Variants in VWF observed in about 807,000 individuals in gnomAD.
The protein encoded by VWF is von Willebrand factor.
A neutral mutation model predicts 308.6 loss-of-function variants in VWF; 176 were observed. That is an observed-to-expected ratio of 0.57 (90% CI 0.50 to 0.65). VWF has a LOEUF of 0.65. Ranked by LOEUF, VWF falls within the 30% of genes least tolerant of loss-of-function variation. VWF has a pLI of 0.00. For missense variants in VWF, 3,146 were observed against 3,648.2 expected (o/e 0.86, Z 3.55); for synonymous variants, 1,385 against 1,443.4 (o/e 0.96, Z 0.92).
At chr12:5,967,374 T>C (rs533941161) in intron 47 of VWF, 112 bp downstream of exon 47, 4 of 920,518 alleles carry the variant, frequency 4.3e-6, no homozygotes, top group Non-Finnish European at 7.3e-6. Context: ...TTATTGTTTA[T>C]AATCAGAAAA....
At chr12:6,105,976 G>A (rs888967406) in intron 5 of VWF, among the ~76,000 whole-genome samples, 1 of 152,190 alleles carries the variant, frequency 6.6e-6, no homozygotes, top group South Asian at 2.1e-4. Context: ...CCGGGAGGTG[G>A]AGGTTGCAGT....
At chr12:5,950,562 G>A (rs530763615) in intron 50 of VWF, among the ~76,000 whole-genome samples, 24 of 151,934 alleles carry the variant, frequency 1.6e-4, no homozygotes, top group Non-Finnish European at 2.1e-4. Context: ...TAGATGGCTC[G>A]AAATCTAAAT....
intron 1 of VWF, among the ~76,000 whole-genome samples, chr12:6,124,123 C>T (rs765184890): frequency 5.9e-5 from 9 of 152,158 alleles, no homozygotes; most frequent in Non-Finnish European, 1.3e-4. Flanking sequence ...AGTCCTAACA[C>T]GCAGGTACAT....
At chr12:6,032,582 G>A (rs1944279678) in intron 20 of VWF, among the ~76,000 whole-genome samples, 1 of 151,402 alleles carries the variant, frequency 6.6e-6, no homozygotes, top group Non-Finnish European at 1.5e-5. Flanking sequence ...AGCTTGCAGT[G>A]AGCCGAGATC....
chr12:6,114,327 C>G (rs751747925), intron 3 of VWF, among the ~76,000 whole-genome samples: 1 of 152,202 alleles, frequency 6.6e-6, no homozygotes, highest in Admixed American at 6.5e-5. Context: ...TCCAAAGATG[C>G]AAAATCACTT....
Position 5,994,161 on chromosome 12 carries a change from T to TC in VWF, c.6298dup (p.Asp2100GlyfsTer50), listed in dbSNP as rs1252797944. On this transcript the variant is annotated frameshift_variant, in exon 37 of 52. Transcript: ENST00000261405. LOFTEE classifies it high-confidence loss of function. The stretch of plus-strand genomic sequence containing the variant: ...TTTCCAGTCTGTGGTGACTGTGCCA[T>TC]CCCTCAGCATGAAGTCATTGGCTCC... 1 of 1,614,070 alleles carries TC rather than the reference T, an allele frequency of 6.2e-7. No individual in the cohort carries two copies. The highest frequency in any genetic ancestry group is 8.5e-7 in the Non-Finnish European group (1 of 1,180,012).
chr12:6,058,937 C>T lies in VWF; in HGVS notation c.1534-893G>A, dbSNP rs1158569795. Reference sequence around the variant, plus strand: ...TTGAAGGTGGAGCGGGGGCTGGGACCCAGGAGTCCTGACTCCCTCTCCGCA... The same window carrying T: ...TTGAAGGTGGAGCGGGGGCTGGGACTCAGGAGTCCTGACTCCCTCTCCGCA... On this transcript the variant is annotated intron_variant, in intron 13 of 51. Transcript: ENST00000261405. The surrounding 1 kb of genome is among the most constrained non-coding windows in gnomAD (Gnocchi z 4.9). Among the ~76,000 whole-genome samples the T allele has an allele frequency of 1.3e-5, 2 of 152,160 alleles. No homozygotes were observed. The highest frequency in any genetic ancestry group is 4.8e-5 in the African/African-American group (2 of 41,450).
At chr12:6,092,180 C>T (rs904753713) in intron 6 of VWF, among the ~76,000 whole-genome samples, 3 of 152,212 alleles carry the variant, frequency 2.0e-5, no homozygotes, top group Admixed American at 1.3e-4. Flanking sequence ...TCCCCCTTGG[C>T]CAAAGGGACC....
chr12:5,964,267 C>T (rs1943368519), intron 47 of VWF, among the ~76,000 whole-genome samples: 1 of 144,472 alleles, frequency 6.9e-6, no homozygotes, highest in Non-Finnish European at 1.5e-5. Context: ...TACATACATA[C>T]ATACATGCAT....
Position 6,019,165 on chromosome 12 carries a change from G to C in VWF, c.4253C>G (p.Pro1418Arg). ...KVIVIPVGIG[P>R]HANLKQIRLI... Reference sequence around the variant, plus strand: ...GCGGATCTGCTTGAGGTTGGCATGGGGCCCAATGCCCACCGGGATCACAAT... The same window carrying C: ...GCGGATCTGCTTGAGGTTGGCATGGCGCCCAATGCCCACCGGGATCACAAT... The change falls in exon 28 of 52, where the codon CCC becomes CGC. Residue 1418 changes from proline to arginine, a missense_variant. Around this residue, in one of 3 missense-constraint regions of VWF, gnomAD observed 853 missense variants for 1,177.8 expected, o/e 0.72. Transcript: ENST00000261405. This position sits in a 1 kb window ranked among gnomAD's most constrained non-coding sequence, Gnocchi z 5.8. 6.2e-7 allele frequency: 1 copy of C among 1,613,952 alleles called. No homozygotes were observed. Among genetic ancestry groups the C allele is most frequent in the Non-Finnish European group, 8.5e-7 (1 of 1,179,872 alleles).
chr12:5,964,238 A>ACATG (rs1555189787), intron 47 of VWF, among the ~76,000 whole-genome samples: 4 of 138,636 alleles, frequency 2.9e-5, no homozygotes, highest in African/African-American at 1.3e-4. Context: ...ATACATACAT[A>ACATG]CATACATACA....
intron 22 of VWF, 119 bp downstream of exon 22, chr12:6,029,223 T>C (rs973981193): frequency 1.4e-5 from 18 of 1,290,082 alleles, no homozygotes; most frequent in African/African-American, 1.3e-4. Flanking sequence ...TAAATATATA[T>C]GCACCCAACA....
chr12:6,025,756 A>T (rs1182860398), intron 23 of VWF, 63 bp from the exon 24 acceptor site: 1 of 1,468,192 alleles, frequency 6.8e-7, no homozygotes, highest in Non-Finnish European at 9.5e-7. Context: ...TTCAGCCCAG[A>T]AGGATCCAAG....
chr12:6,004,740 T>C (rs1253799749), intron 34 of VWF, among the ~76,000 whole-genome samples: 1 of 107,670 alleles, frequency 9.3e-6, no homozygotes, highest in Non-Finnish European at 2.0e-5. Context: ...ATAGATGTTA[T>C]ATATATTGAT....
At chr12:6,104,539 A>T (rs1367904814) in intron 5 of VWF, among the ~76,000 whole-genome samples, 2 of 150,942 alleles carry the variant, frequency 1.3e-5, no homozygotes, top group East Asian at 3.9e-4. Context: ...AATACAAAAG[A>T]AAAAAAAATG....
intron 22 of VWF, among the ~76,000 whole-genome samples, chr12:6,028,860 CA>C (rs1412531456): frequency 6.6e-6 from 1 of 152,080 alleles, no homozygotes; most frequent in East Asian, 1.9e-4. Flanking sequence ...AATTAATGGG[CA>C]AAATAACCAG....
At chr12:5,964,238 ACATACATACATG>A (rs1405487870) in intron 47 of VWF, among the ~76,000 whole-genome samples, 117 of 138,714 alleles carry the variant, frequency 8.4e-4, no homozygotes, top group African/African-American at 3.2e-3. Context: ...ATACATACAT[ACATACATACATG>A]CATACATACA....
At chr12:6,006,915 A>G (rs1461151117) in intron 34 of VWF, among the ~76,000 whole-genome samples, 4 of 152,256 alleles carry the variant, frequency 2.6e-5, no homozygotes, top group African/African-American at 7.2e-5. Flanking sequence ...TTTCATGCCA[A>G]TGTTAACTAA....
At chr12:6,076,950 T>C (rs7135976) in intron 6 of VWF, among the ~76,000 whole-genome samples, 83,742 of 152,064 alleles carry the variant, frequency 0.55, 24,547 homozygotes, top group African/African-American at 0.76. Flanking sequence ...AAATCAGTGT[T>C]CTAGCCCCAA....
Sources: allele counts gnomAD v4.1 joint callset (sites outside exome capture counted in the v4.1 genomes callset), GRCh38; gene constraint gnomAD v4.1.1; regional missense constraint gnomAD v4.1.1; non-coding constraint Gnocchi (gnomAD v3.1); transcripts MANE v1.5; gene names NCBI Gene and HGNC (gene_info 2026-07-23, HGNC 2026-07-21).